The following SKAP1 variants were observed in gnomAD, a reference collection of about 807,000 sequenced individuals.
SKAP1 encodes the protein src kinase associated phosphoprotein 1.
In SKAP1, 44 loss-of-function variants were observed where a neutral mutation model predicts 58.5. The observed-to-expected ratio is 0.75, with a 90% CI of 0.59 to 0.97. The LOEUF is 0.97. Among genes scored for constraint, SKAP1 ranks in the 50% least tolerant of loss-of-function variants. The pLI, the probability that SKAP1 is intolerant of heterozygous loss-of-function variation, is 0.00. For missense variants in SKAP1, 390 were observed against 435.2 expected, an observed-to-expected ratio of 0.90 and a Z score of 0.92; for synonymous variants, 127 against 149.7, an observed-to-expected ratio of 0.85 and a Z score of 1.11.
intron 4 of SKAP1, among the ~76,000 whole-genome samples, chr17:48,267,632 G>A (rs904871287): frequency 6.6e-6 from 1 of 152,092 alleles, no homozygotes; most frequent in African/African-American, 2.4e-5. Context: ...CACTTGCTTA[G>A]TTTAATTTGC....
chr17:48,153,649 C>T (rs956529254), intron 11 of SKAP1, among the ~76,000 whole-genome samples: 2 of 152,076 alleles, frequency 1.3e-5, no homozygotes, highest in African/African-American at 4.8e-5. Context: ...GATCCCCTCA[C>T]CCACCCCTTT....
At chr17:48,391,608 T>C (rs1452911317) in intron 2 of SKAP1, among the ~76,000 whole-genome samples, 3 of 152,178 alleles carry the variant, frequency 2.0e-5, no homozygotes, top group African/African-American at 4.8e-5. Flanking sequence ...AGTTGAGTAA[T>C]AATGTTGAAG....
At chr17:48,196,362 C>CT (rs1173640381) in intron 4 of SKAP1, among the ~76,000 whole-genome samples, 1 of 152,156 alleles carries the variant, frequency 6.6e-6, no homozygotes, top group Non-Finnish European at 1.5e-5. Flanking sequence ...TTCTTATTTA[C>CT]TTTTTTATGA....
chr17:48,350,461 C>T (rs1238383246), intron 3 of SKAP1, among the ~76,000 whole-genome samples: 5 of 151,968 alleles, frequency 3.3e-5, no homozygotes, highest in African/African-American at 9.7e-5. Context: ...TTTGGGAGGC[C>T]GAGGCAGGCA....
intron 4 of SKAP1, among the ~76,000 whole-genome samples, chr17:48,206,593 G>T (rs2064813695): frequency 6.6e-6 from 1 of 151,922 alleles, no homozygotes; most frequent in Non-Finnish European, 1.5e-5. Flanking sequence ...TGAAGAATGG[G>T]GAATTGATGG....
intron 1 of SKAP1, among the ~76,000 whole-genome samples, chr17:48,419,623 AC>A: frequency 6.6e-6 from 1 of 152,056 alleles, no homozygotes; most frequent in Non-Finnish European, 1.5e-5. Flanking sequence ...AAGAAGGTTT[AC>A]TAAAATGCAG....
At chr17:48,344,880 G>A (rs1408860387) in intron 4 of SKAP1, among the ~76,000 whole-genome samples, 1 of 152,204 alleles carries the variant, frequency 6.6e-6, no homozygotes, top group East Asian at 1.9e-4. Context: ...AGTAAAAAGA[G>A]AGAGTAAAAC....
intron 11 of SKAP1, among the ~76,000 whole-genome samples, chr17:48,155,642 A>C (rs1000187065): frequency 6.6e-6 from 1 of 151,348 alleles, no homozygotes; most frequent in South Asian, 2.1e-4. Flanking sequence ...GGATCACCTG[A>C]GGCCAGGAGT....
rs1471799105 is a variant in SKAP1, at chr17:48,257,126, A to AT, written c.281-67627_281-67626insA. Among the ~76,000 whole-genome samples, 6 of 152,204 alleles carry AT rather than the reference A, an allele frequency of 3.9e-5. 2 individuals are homozygous for AT. Among genetic ancestry groups the AT allele is most frequent in the African/African-American group, 1.4e-4 (6 of 41,566 alleles). On this transcript the variant is annotated intron_variant, in intron 4 of 12. Coordinates refer to ENST00000336915, the MANE Select transcript of SKAP1 (RefSeq NM_003726.4). ...GAGAGCCTAGCTTACTGTCATTTAAAATTTTTTTTTTTTGTATTTTAAAAG... is the reference window on the plus strand; with the variant it reads ...GAGAGCCTAGCTTACTGTCATTTAAATATTTTTTTTTTTTGTATTTTAAAAG...
chr17:48,292,100 T>C (rs1598520008), intron 4 of SKAP1, among the ~76,000 whole-genome samples: 1 of 82,102 alleles, frequency 1.2e-5, no homozygotes, highest in South Asian at 3.3e-4. Context: ...AAATCACAAA[T>C]ACACTAATGA....
At chr17:48,309,966 C>A (rs2066201847) in intron 4 of SKAP1, among the ~76,000 whole-genome samples, 1 of 152,156 alleles carries the variant, frequency 6.6e-6, no homozygotes, top group Admixed American at 6.5e-5. Context: ...CAATTTGGCA[C>A]CATTTTTGAG....
chr17:48,267,943 A>G (rs942229249), intron 4 of SKAP1, among the ~76,000 whole-genome samples: 2 of 152,198 alleles, frequency 1.3e-5, no homozygotes, highest in Non-Finnish European at 2.9e-5. Flanking sequence ...TGTTTGTATT[A>G]TGCCCATTTT....
At chr17:48,405,392 CCTTTCTTTCTTT>C (rs376278484) in intron 1 of SKAP1, among the ~76,000 whole-genome samples, 2,844 of 107,332 alleles carry the variant, frequency 0.026, 98 homozygotes, top group East Asian at 0.15. Context: ...TTTTCTCTTT[CCTTTCTTTCTTT>C]CTTTCTTTCT....
At chr17:48,324,468 G>A (rs1304040150) in intron 4 of SKAP1, among the ~76,000 whole-genome samples, 3 of 151,970 alleles carry the variant, frequency 2.0e-5, no homozygotes, top group African/African-American at 7.2e-5. Context: ...ACATGTTTTG[G>A]TGAAGAGAAT....
chr17:48,329,362 C>T (rs1022268445), intron 4 of SKAP1, among the ~76,000 whole-genome samples: 2 of 152,270 alleles, frequency 1.3e-5, no homozygotes, highest in South Asian at 2.1e-4. Context: ...AAAGTAACTC[C>T]GGAGTCTCTG....
chr17:48,373,699 GTTTTC>G (rs1333746502), intron 2 of SKAP1, among the ~76,000 whole-genome samples: 1 of 152,086 alleles, frequency 6.6e-6, no homozygotes, highest in African/African-American at 2.4e-5. Flanking sequence ...TGTAACACTT[GTTTTC>G]TTTTCTCTTG....
chr17:48,158,951 C>A (rs1156793475), intron 11 of SKAP1, among the ~76,000 whole-genome samples: 2 of 140,926 alleles, frequency 1.4e-5, no homozygotes, highest in Admixed American at 7.5e-5. Context: ...CAGAGCGAGA[C>A]GCCTTCTCAA....
chr17:48,234,801 T>C (rs540102725), intron 4 of SKAP1, among the ~76,000 whole-genome samples: 4 of 152,204 alleles, frequency 2.6e-5, no homozygotes, highest in East Asian at 1.9e-4. Context: ...TATGCATTAA[T>C]ACAAAATGAA....
At chr17:48,227,128 G>A (rs1340469480) in intron 4 of SKAP1, among the ~76,000 whole-genome samples, 2 of 152,094 alleles carry the variant, frequency 1.3e-5, no homozygotes, top group Admixed American at 6.6e-5. Context: ...CTGACTTCCA[G>A]GACTGGCATG....
Sources: gnomAD v4.1 joint callset for allele counts (sites outside exome capture counted in the v4.1 genomes callset) on GRCh38, gnomAD v4.1.1 for gene constraint, MANE v1.5 for transcripts, NCBI Gene and HGNC (gene_info 2026-07-23, HGNC 2026-07-21) for gene names.